Variants in SLC4A7 observed in about 807,000 individuals in gnomAD.
The protein encoded by SLC4A7 is sodium bicarbonate cotransporter 3.
In SLC4A7, 51 loss-of-function variants were observed where a neutral mutation model predicts 137.6. That is an observed-to-expected ratio of 0.37 (90% CI 0.30 to 0.47). The LOEUF (loss-of-function observed/expected upper bound fraction) is 0.47. Among genes scored for constraint, SLC4A7 ranks in the 20% least tolerant of loss-of-function variants. The pLI is 1.00. For synonymous variants in SLC4A7, 542 were observed against 518.6 expected, an observed-to-expected ratio of 1.05 and a Z score of -0.61; for missense variants, 1,247 against 1,525.4, an observed-to-expected ratio of 0.82 and a Z score of 3.04.
intron 20 of SLC4A7, 133 bp from the exon 21 acceptor site, chr3:27,391,941 A>G (rs749975806): frequency 1.3e-5 from 7 of 522,930 alleles, no homozygotes; most frequent in Non-Finnish European, 2.0e-5. Context: ...ATTTCCACAC[A>G]TAAGAAAATT....
At chr3:27,483,889 C>T (rs1395869157) in intron 1 of SLC4A7, among the ~76,000 whole-genome samples, 178 bp downstream of exon 1, 4 of 150,120 alleles carry the variant, frequency 2.7e-5, no homozygotes, top group African/African-American at 7.3e-5. Flanking sequence ...CCCTCCCACC[C>T]GCGCCCCAGG....
chr3:27,390,808 G>A lies in SLC4A7; in HGVS notation c.3187-704C>T, dbSNP rs532883254. ...GTAGCGCTAACTGTGCTTTATGATC[G>A]TTTTTTTTGTGTGTGTTTGTTTGTT... On this transcript the variant is annotated intron_variant, in intron 21 of 25. Transcript: ENST00000454389. Among the ~76,000 whole-genome samples, 15 of 151,680 alleles carry A rather than the reference G, an allele frequency of 9.9e-5. No homozygotes were observed. The South Asian group carries it at 2.3e-3, about 23-fold the overall frequency.
intron 11 of SLC4A7, among the ~76,000 whole-genome samples, chr3:27,417,296 CATACTCACATAAA>C (rs2054487158): frequency 6.6e-6 from 1 of 152,026 alleles, no homozygotes; most frequent in Non-Finnish European, 1.5e-5. Flanking sequence ...AAGCTGGGTC[CATACTCACATAAA>C]ATACGCTATC....
chr3:27,422,735 A>G (rs1439159143), intron 8 of SLC4A7: 3 of 453,354 alleles, frequency 6.6e-6, no homozygotes, highest in Non-Finnish European at 1.3e-5. Context: ...AAGTCACTAA[A>G]CAACCACTTA....
intron 16 of SLC4A7, among the ~76,000 whole-genome samples, chr3:27,399,031 C>T (rs1203859840): frequency 6.7e-6 from 1 of 149,712 alleles, no homozygotes; most frequent in Non-Finnish European, 1.5e-5. Context: ...AACTGAAAGG[C>T]AATCAGAGAT....
At chr3:27,451,433 C>T (rs548984562) in intron 2 of SLC4A7, among the ~76,000 whole-genome samples, 1 of 152,076 alleles carries the variant, frequency 6.6e-6, no homozygotes, top group Non-Finnish European at 1.5e-5. Context: ...AGATATGGTG[C>T]ACTGAAAAGG....
intron 18 of SLC4A7, among the ~76,000 whole-genome samples, chr3:27,397,176 C>A (rs964721688): frequency 4.6e-5 from 7 of 152,092 alleles, no homozygotes; most frequent in Non-Finnish European, 8.8e-5. Context: ...TACAGGCGCC[C>A]GCCACCACGC....
chr3:27,446,283 T>C (rs1234962944), intron 3 of SLC4A7, among the ~76,000 whole-genome samples: 1 of 152,060 alleles, frequency 6.6e-6, no homozygotes, highest in Non-Finnish European at 1.5e-5. Context: ...TAATCCCCGT[T>C]ATTCCATCCT....
intron 14 of SLC4A7, among the ~76,000 whole-genome samples, chr3:27,404,177 G>T (rs1041037280): frequency 1.3e-5 from 2 of 152,186 alleles, no homozygotes; most frequent in African/African-American, 4.8e-5. Flanking sequence ...AGACCAGCCT[G>T]GCCAGCATGG....
At chr3:27,436,626 T>A in intron 4 of SLC4A7, 78 bp from the exon 5 acceptor site, 1 of 930,050 alleles carries the variant, frequency 1.1e-6, no homozygotes, top group Non-Finnish European at 1.5e-6. Context: ...AAAGAAACAT[T>A]TGTTCTTTAA....
At chr3:27,396,974 C>A (rs546875039) in intron 18 of SLC4A7, among the ~76,000 whole-genome samples, 184 of 152,266 alleles carry the variant, frequency 1.2e-3, no homozygotes, top group African/African-American at 4.3e-3. Context: ...AGATATACTA[C>A]CCTTCTAGAA....
intron 19 of SLC4A7, 86 bp downstream of exon 19, chr3:27,394,868 C>G: frequency 6.5e-7 from 1 of 1,539,658 alleles, no homozygotes; most frequent in Non-Finnish European, 8.8e-7. Context: ...TAATTTTCAT[C>G]TTACATCTTT....
intron 2 of SLC4A7, among the ~76,000 whole-genome samples, 178 bp from the exon 3 acceptor site, chr3:27,448,975 A>G (rs1217506369): frequency 6.6e-6 from 1 of 152,246 alleles, no homozygotes; most frequent in East Asian, 1.9e-4. Flanking sequence ...GCCCAGGGCT[A>G]ATATCACTGA....
intron 1 of SLC4A7, among the ~76,000 whole-genome samples, chr3:27,477,092 A>T (rs1202706042): frequency 1.3e-5 from 2 of 152,252 alleles, no homozygotes; most frequent in African/African-American, 4.8e-5. Flanking sequence ...ATAGAAGGAA[A>T]CTACTACAGC....
At chr3:27,468,795 G>A (rs1325551456) in intron 1 of SLC4A7, among the ~76,000 whole-genome samples, 1 of 151,988 alleles carries the variant, frequency 6.6e-6, no homozygotes, top group Non-Finnish European at 1.5e-5. Flanking sequence ...AACATTTCTG[G>A]TACAATATAA....
chr3:27,378,730 A>G (rs1217092966), intron 25 of SLC4A7, among the ~76,000 whole-genome samples: 1 of 152,202 alleles, frequency 6.6e-6, no homozygotes. Context: ...ACAAGAAGGG[A>G]AACAACTTGT....
At chr3:27,452,292 C>T (rs1032856616) in intron 2 of SLC4A7, 125 bp downstream of exon 2, 2 of 622,824 alleles carry the variant, frequency 3.2e-6, no homozygotes, top group South Asian at 2.1e-5. Context: ...TCTCAATGTA[C>T]GCTTTACCTT....
chr3:27,380,686 A>G (rs2050339040), intron 24 of SLC4A7, among the ~76,000 whole-genome samples: 1 of 152,202 alleles, frequency 6.6e-6, no homozygotes, highest in Non-Finnish European at 1.5e-5. Context: ...CAAATTTAAG[A>G]TTGAAGAGAA....
chr3:27,389,807 T>C (rs2051346017), intron 22 of SLC4A7, 124 bp downstream of exon 22: 1 of 675,668 alleles, frequency 1.5e-6, no homozygotes, highest in African/African-American at 1.9e-5. Context: ...TAATTCACAT[T>C]TTCAAACACC....
Sources: gnomAD v4.1 joint callset for allele counts (sites outside exome capture counted in the v4.1 genomes callset) on GRCh38, gnomAD v4.1.1 for gene constraint, MANE v1.5 for transcripts, NCBI Gene and HGNC (gene_info 2026-07-23, HGNC 2026-07-21) for gene names.